UNC13C: variants seen among roughly 807,000 people sequenced by gnomAD.
UNC13C encodes the protein unc-13 homolog C.
UNC13C carries 174 observed loss-of-function variants against 245.4 expected under a neutral mutation model. The observed-to-expected ratio is 0.71, with a 90% CI of 0.63 to 0.80. UNC13C has a LOEUF of 0.80. Among genes scored for constraint, UNC13C ranks in the 30% least tolerant of loss-of-function variants. The pLI, the probability that UNC13C is intolerant of heterozygous loss-of-function variation, is 0.00. For missense variants in UNC13C, 2,829 were observed against 2,602.9 expected (o/e 1.09, Z -1.89); for synonymous variants, 992 against 895.1 (o/e 1.11, Z -1.93).
At chr15:54,011,257 A>G (rs939988136) in intron 1 of UNC13C, among the ~76,000 whole-genome samples, 9 of 152,144 alleles carry the variant, frequency 5.9e-5, no homozygotes, top group Non-Finnish European at 2.9e-5. Context: ...TTCATTTCGC[A>G]TTGAACTTTC....
intron 2 of UNC13C, chr15:54,049,156 C>T (rs1897166736): frequency 1.5e-5 from 6 of 401,530 alleles, no homozygotes; most frequent in Non-Finnish European, 3.0e-5. Context: ...AGCTTTCCAT[C>T]ATCTAATAGT....
chr15:54,103,186 A>G (rs1437907238), intron 2 of UNC13C, among the ~76,000 whole-genome samples: 1 of 152,192 alleles, frequency 6.6e-6, no homozygotes, highest in Non-Finnish European at 1.5e-5. Flanking sequence ...ACAAACACAC[A>G]CACACTCTCT....
chr15:53,924,206 CA>C, the UNC13C span, among the ~76,000 whole-genome samples: 6,729 of 151,186 alleles, frequency 0.045, 308 homozygotes, highest in East Asian at 0.21. Flanking sequence ...GACTTTATCT[CA>C]AAAAAACAAA....
At chr15:53,880,444 G>C in the UNC13C span, among the ~76,000 whole-genome samples, 1 of 152,154 alleles carries the variant, frequency 6.6e-6, no homozygotes, top group Non-Finnish European at 1.5e-5. Flanking sequence ...AATAATGTCC[G>C]AACTACACGT....
intron 30 of UNC13C, among the ~76,000 whole-genome samples, chr15:54,612,721 G>A (rs1445049434): frequency 6.6e-6 from 1 of 151,968 alleles, no homozygotes; most frequent in Non-Finnish European, 1.5e-5. Context: ...TGCAAACGAA[G>A]TGGATATTTT....
At chr15:54,136,195 T>A (rs755311971) in intron 2 of UNC13C, among the ~76,000 whole-genome samples, 1 of 152,178 alleles carries the variant, frequency 6.6e-6, no homozygotes, top group Non-Finnish European at 1.5e-5. Flanking sequence ...TGGAGTGTAG[T>A]GGGGTAATCA....
At chr15:54,575,684 C>T (rs901876840) in intron 30 of UNC13C, among the ~76,000 whole-genome samples, 5 of 152,240 alleles carry the variant, frequency 3.3e-5, no homozygotes, top group African/African-American at 9.6e-5. Flanking sequence ...CCATTTTCAA[C>T]TTAATACTGA....
At chr15:54,513,148 G>A (rs1420342385) in intron 24 of UNC13C, among the ~76,000 whole-genome samples, 3 of 152,062 alleles carry the variant, frequency 2.0e-5, no homozygotes, top group African/African-American at 7.2e-5. Flanking sequence ...AACCAATTAA[G>A]GAATATAATG....
At chr15:54,355,588 C>T (rs139606054) in intron 17 of UNC13C, among the ~76,000 whole-genome samples, 2,171 of 152,174 alleles carry the variant, frequency 0.014, 21 homozygotes, top group Middle Eastern at 0.031. Flanking sequence ...GAGCTCCTGA[C>T]CTCAAGTGAT....
intron 10 of UNC13C, among the ~76,000 whole-genome samples, chr15:54,276,331 A>G (rs904949890): frequency 2.0e-5 from 3 of 151,934 alleles, no homozygotes; most frequent in Non-Finnish European, 4.4e-5. Context: ...TGAAGAAAAA[A>G]CTCTGACAAA....
At chr15:53,889,778 G>C in the UNC13C span, among the ~76,000 whole-genome samples, 1 of 152,052 alleles carries the variant, frequency 6.6e-6, no homozygotes, top group Non-Finnish European at 1.5e-5. Context: ...GTTGAATTTT[G>C]TCAAAGGCCT....
At chr15:54,542,365 T>A (rs918525589) in intron 26 of UNC13C, among the ~76,000 whole-genome samples, 3 of 152,080 alleles carry the variant, frequency 2.0e-5, no homozygotes, top group Non-Finnish European at 4.4e-5. Flanking sequence ...TCTGAGAGAC[T>A]CTTTGTTATG....
chr15:54,055,410 A>G (rs1203751010), intron 2 of UNC13C, among the ~76,000 whole-genome samples: 3 of 152,184 alleles, frequency 2.0e-5, no homozygotes, highest in Non-Finnish European at 4.4e-5. Flanking sequence ...CCTTGAAAAA[A>G]TATATTTCTT....
intron 4 of UNC13C, among the ~76,000 whole-genome samples, chr15:54,231,866 T>C (rs2035563081): frequency 1.3e-5 from 2 of 152,124 alleles, no homozygotes. Context: ...TTCTGGATTT[T>C]AACTGTGGTG....
chr15:54,219,306 C>G (rs1256141877), intron 4 of UNC13C, among the ~76,000 whole-genome samples: 2 of 151,124 alleles, frequency 1.3e-5, no homozygotes, highest in Non-Finnish European at 3.0e-5. Flanking sequence ...ATATCTACAA[C>G]TATCTGATCT....
intron 29 of UNC13C, among the ~76,000 whole-genome samples, chr15:54,563,264 C>G (rs1268580199): frequency 6.6e-6 from 1 of 151,902 alleles, no homozygotes; most frequent in African/African-American, 2.4e-5. Context: ...ATGCTTTCTG[C>G]CTTTGTTTTT....
intron 19 of UNC13C, among the ~76,000 whole-genome samples, chr15:54,456,050 G>A (rs551613837): frequency 3.9e-5 from 6 of 152,270 alleles, no homozygotes; most frequent in East Asian, 1.9e-4. Flanking sequence ...TGCATAAGAT[G>A]AGAGATGAAG....
chr15:54,590,238 G>C (rs965809885), intron 30 of UNC13C, among the ~76,000 whole-genome samples: 3 of 152,102 alleles, frequency 2.0e-5, no homozygotes, highest in African/African-American at 7.2e-5. Flanking sequence ...CTCCAGATTT[G>C]TTCTTTTTCC....
chr15:53,867,335 A>G, the UNC13C span, among the ~76,000 whole-genome samples: 437 of 152,336 alleles, frequency 2.9e-3, 7 homozygotes, highest in African/African-American at 0.01. Flanking sequence ...ATAATGAACT[A>G]GAATTTTTAG....
Sources: allele counts gnomAD v4.1 joint callset (sites outside exome capture counted in the v4.1 genomes callset), GRCh38; gene constraint gnomAD v4.1.1; transcripts MANE v1.5; gene names NCBI Gene and HGNC (gene_info 2026-07-23, HGNC 2026-07-21).